The following SGCZ variants were observed in gnomAD, a reference collection of about 807,000 sequenced individuals.
SGCZ encodes the protein zeta-sarcoglycan.
In SGCZ, 40 loss-of-function variants were observed where a neutral mutation model predicts 41.3. That is an observed-to-expected ratio of 0.97 (90% CI 0.75 to 1.26). The LOEUF (loss-of-function observed/expected upper bound fraction) is 1.26. Among genes scored for constraint, SGCZ ranks in the 50% most tolerant of loss-of-function variants. SGCZ has a pLI of 0.00. For synonymous variants in SGCZ, 206 were observed against 137.5 expected (o/e 1.50, Z -3.49); for missense variants, 552 against 369.8 (o/e 1.49, Z -4.04).
At chr8:14,886,028 T>A (rs1470241751) in intron 1 of SGCZ, among the ~76,000 whole-genome samples, 17 of 110,080 alleles carry the variant, frequency 1.5e-4, no homozygotes, top group African/African-American at 5.7e-4. Context: ...TATATATATA[T>A]ATATATAAAA....
At chr8:14,530,836 T>A (rs537316777) in intron 2 of SGCZ, among the ~76,000 whole-genome samples, 6 of 152,122 alleles carry the variant, frequency 3.9e-5, no homozygotes, top group Non-Finnish European at 8.8e-5. Flanking sequence ...AGAATGATTT[T>A]TAATAGTTCT....
At chr8:14,983,824 T>A (rs80086237) in intron 1 of SGCZ, among the ~76,000 whole-genome samples, 1 of 152,274 alleles carries the variant, frequency 6.6e-6, no homozygotes, top group East Asian at 1.9e-4. Flanking sequence ...TTTTACTATA[T>A]CATAATAAAG....
intron 1 of SGCZ, among the ~76,000 whole-genome samples, chr8:14,806,956 T>A (rs1035288745): frequency 3.3e-5 from 5 of 151,652 alleles, no homozygotes; most frequent in Admixed American, 3.3e-4. Context: ...TAATCCAGCA[T>A]ATAAACAGAG....
intron 1 of SGCZ, among the ~76,000 whole-genome samples, chr8:15,219,940 G>A (rs1801535842): frequency 6.6e-6 from 1 of 152,158 alleles, no homozygotes; most frequent in African/African-American, 2.4e-5. Context: ...TTTGATGGTA[G>A]TTGTAAAAAG....
chr8:14,867,999 A>G (rs530202919), intron 1 of SGCZ, among the ~76,000 whole-genome samples: 5 of 152,032 alleles, frequency 3.3e-5, no homozygotes, highest in Non-Finnish European at 7.4e-5. Context: ...AAAATTCCAC[A>G]TGATTGAGTC....
At chr8:14,444,715 T>C (rs1016203234) in intron 2 of SGCZ, among the ~76,000 whole-genome samples, 1 of 151,340 alleles carries the variant, frequency 6.6e-6, no homozygotes, top group African/African-American at 2.4e-5. Flanking sequence ...TAATGCTAAA[T>C]GACGAGTTAA....
intron 1 of SGCZ, among the ~76,000 whole-genome samples, chr8:14,618,627 A>G (rs557649245): frequency 1.3e-5 from 2 of 152,312 alleles, no homozygotes; most frequent in East Asian, 3.9e-4. Flanking sequence ...AGTAAAAAGT[A>G]GAGTCAATGA....
intron 1 of SGCZ, among the ~76,000 whole-genome samples, chr8:15,233,566 C>G (rs1041260095): frequency 2.6e-5 from 4 of 151,876 alleles, no homozygotes; most frequent in African/African-American, 9.7e-5. Context: ...CCTCACCTAT[C>G]TAGGGCAAGA....
At chr8:14,360,070 G>A (rs1465618953) in intron 2 of SGCZ, among the ~76,000 whole-genome samples, 1 of 151,972 alleles carries the variant, frequency 6.6e-6, no homozygotes. Flanking sequence ...ATACTTTCTT[G>A]ACAAAAACAC....
At chr8:14,844,695 G>A (rs990111380) in intron 1 of SGCZ, among the ~76,000 whole-genome samples, 3 of 152,098 alleles carry the variant, frequency 2.0e-5, no homozygotes. Flanking sequence ...AAACCTAAAT[G>A]TCTAAAAACA....
At chr8:14,902,897 C>T (rs923820680) in intron 1 of SGCZ, among the ~76,000 whole-genome samples, 7 of 152,004 alleles carry the variant, frequency 4.6e-5, no homozygotes, top group Admixed American at 2.0e-4. Flanking sequence ...AATGAATATA[C>T]GTCTCCCTGA....
At chr8:14,504,294 T>C (rs927353617) in intron 2 of SGCZ, among the ~76,000 whole-genome samples, 11 of 152,210 alleles carry the variant, frequency 7.2e-5, no homozygotes, top group Admixed American at 6.5e-5. Flanking sequence ...ACTTCACAAA[T>C]ATCTTTTTTA....
intron 1 of SGCZ, among the ~76,000 whole-genome samples, chr8:15,026,875 A>G (rs1451814685): frequency 2.6e-5 from 4 of 152,182 alleles, no homozygotes; most frequent in Admixed American, 1.3e-4. Context: ...ATGAGGTAGA[A>G]TATTGAAGCG....
At chr8:14,857,650 G>T (rs1470257911) in intron 1 of SGCZ, among the ~76,000 whole-genome samples, 1 of 152,110 alleles carries the variant, frequency 6.6e-6, no homozygotes, top group Non-Finnish European at 1.5e-5. Flanking sequence ...GATTGCTTGA[G>T]GTCAGGAGTT....
At chr8:14,839,609 T>C (rs1273033526) in intron 1 of SGCZ, among the ~76,000 whole-genome samples, 3 of 152,134 alleles carry the variant, frequency 2.0e-5, no homozygotes, top group African/African-American at 4.8e-5. Flanking sequence ...CCATCCAATG[T>C]TCTAATGAAA....
At chr8:14,542,772 G>A (rs1366186336) in intron 2 of SGCZ, among the ~76,000 whole-genome samples, 2 of 151,800 alleles carry the variant, frequency 1.3e-5, no homozygotes, top group East Asian at 3.9e-4. Flanking sequence ...TTGTTATCAT[G>A]GATTTTTTAT....
rs565865071 is a variant in SGCZ at position 14,521,230 on chromosome 8, C to T, written c.234+33502G>A. Among the ~76,000 whole-genome samples, 6 of 152,246 alleles carry T rather than the reference C, an allele frequency of 3.9e-5. No individual in the cohort carries two copies. The South Asian group carries it at 1.0e-3, about 26-fold the overall frequency. On this transcript the variant is annotated intron_variant, in intron 2 of 7. Transcript: ENST00000382080. ...TGCCTGATTGCACCCACTCCATGAT[C>T]CCTGACAACCACTAATCTCTTTTCT... is the stretch of plus-strand genomic sequence containing the variant.
At chr8:15,020,527 A>C (rs1257478518) in intron 1 of SGCZ, among the ~76,000 whole-genome samples, 1 of 152,158 alleles carries the variant, frequency 6.6e-6, no homozygotes, top group Non-Finnish European at 1.5e-5. Context: ...ATTCTTGATT[A>C]AAATATAATC....
At chr8:15,218,188 A>T (rs1312237357) in intron 1 of SGCZ, among the ~76,000 whole-genome samples, 1 of 152,136 alleles carries the variant, frequency 6.6e-6, no homozygotes, top group Non-Finnish European at 1.5e-5. Flanking sequence ...TAAGTTTCTC[A>T]TGAAAGACTT....
Sources: allele counts gnomAD v4.1 joint callset (sites outside exome capture counted in the v4.1 genomes callset), GRCh38; gene constraint gnomAD v4.1.1; transcripts MANE v1.5; gene names NCBI Gene and HGNC (gene_info 2026-07-23, HGNC 2026-07-21).